The following CCL28 variants were observed in gnomAD, a reference collection of about 807,000 sequenced individuals.
CCL28 encodes the protein C-C motif chemokine 28.
In CCL28, 4 loss-of-function variants were observed where a neutral mutation model predicts 7.1. That is an observed-to-expected ratio of 0.56 (90% CI 0.28 to 1.29). The LOEUF (loss-of-function observed/expected upper bound fraction) is 1.29. Ranked by LOEUF, CCL28 falls within the 50% of genes most tolerant of loss-of-function variation. The pLI, the probability that CCL28 is intolerant of heterozygous loss-of-function variation, is 0.11. For missense variants in CCL28, 151 were observed against 163.4 expected, an observed-to-expected ratio of 0.92 and a Z score of 0.41; for synonymous variants, 55 against 57.8, an observed-to-expected ratio of 0.95 and a Z score of 0.22.
intron 1 of CCL28, among the ~76,000 whole-genome samples, chr5:43,396,247 G>A (rs1208104984): frequency 6.6e-6 from 1 of 152,158 alleles, no homozygotes; most frequent in East Asian, 1.9e-4. Flanking sequence ...TGGCGCTGAT[G>A]GGAGTGTAGT....
intron 2 of CCL28, among the ~76,000 whole-genome samples, chr5:43,385,502 T>A (rs930436700): frequency 9.9e-5 from 15 of 152,212 alleles, no homozygotes; most frequent in African/African-American, 3.6e-4. Flanking sequence ...AAAGTCTTTA[T>A]ACCCAGTCAG....
downstream of CCL28, among the ~76,000 whole-genome samples, chr5:43,377,818 C>T (rs1739946463): frequency 7.3e-6 from 1 of 137,532 alleles, no homozygotes; most frequent in African/African-American, 2.8e-5. Flanking sequence ...CTGCAAGCTC[C>T]GCCTCCCGGG....
At chr5:43,385,790 A>T (rs1433804819) in intron 2 of CCL28, among the ~76,000 whole-genome samples, 1 of 152,232 alleles carries the variant, frequency 6.6e-6, no homozygotes, top group Non-Finnish European at 1.5e-5. Context: ...TTGGCTTCCT[A>T]GTTCCTCTTT....
intron 2 of CCL28, among the ~76,000 whole-genome samples, chr5:43,383,502 TG>T (rs766682091): frequency 5.3e-5 from 8 of 152,160 alleles, no homozygotes; most frequent in Non-Finnish European, 1.0e-4. Flanking sequence ...AGCCAGCATA[TG>T]GGGAATATTA....
At chr5:43,391,371 C>T (rs1561159822) in intron 1 of CCL28, among the ~76,000 whole-genome samples, 1 of 152,126 alleles carries the variant, frequency 6.6e-6, no homozygotes, top group Non-Finnish European at 1.5e-5. Context: ...ATTTTGAGGC[C>T]AGACAGCTTT....
chr5:43,377,716 ACTTTTTTT>A (rs1245315919), downstream of CCL28, among the ~76,000 whole-genome samples: 723 of 45,648 alleles, frequency 0.016, 8 homozygotes, highest in Middle Eastern at 0.1. Context: ...TAGAACTTAA[ACTTTTTTT>A]TTTTTTTTTT....
intron 1 of CCL28, among the ~76,000 whole-genome samples, chr5:43,407,568 A>G (rs533560185): frequency 1.3e-5 from 2 of 152,382 alleles, no homozygotes; most frequent in African/African-American, 4.8e-5. Flanking sequence ...AATACCATAC[A>G]TGCCATAGGC....
downstream of CCL28, among the ~76,000 whole-genome samples, chr5:43,376,181 C>T (rs1251877036): frequency 6.6e-6 from 1 of 152,132 alleles, no homozygotes; most frequent in African/African-American, 2.4e-5. Flanking sequence ...TATGTCTATA[C>T]CAGGGCAGAA....
At chr5:43,407,513 A>G (rs1741334984) in intron 1 of CCL28, among the ~76,000 whole-genome samples, 1 of 152,244 alleles carries the variant, frequency 6.6e-6, no homozygotes, top group Non-Finnish European at 1.5e-5. Context: ...TAAAGACTTA[A>G]GTGTTAGACC....
intron 1 of CCL28, among the ~76,000 whole-genome samples, chr5:43,402,026 C>A (rs1741059868): frequency 6.6e-6 from 1 of 152,166 alleles, no homozygotes; most frequent in South Asian, 2.1e-4. Flanking sequence ...AGGTTTGTAG[C>A]CCAGCATGTC....
downstream of CCL28, among the ~76,000 whole-genome samples, chr5:43,372,958 G>T (rs944434278): frequency 6.6e-6 from 1 of 150,432 alleles, no homozygotes; most frequent in Non-Finnish European, 1.5e-5. Flanking sequence ...TCACCACCAC[G>T]CCCGGCTAAT....
At chr5:43,382,719 A>G (rs1740170700) in intron 2 of CCL28, among the ~76,000 whole-genome samples, 1 of 146,900 alleles carries the variant, frequency 6.8e-6, no homozygotes, top group African/African-American at 2.7e-5. Flanking sequence ...TTAAATTAAC[A>G]AAACAAAACT....
intron 1 of CCL28, among the ~76,000 whole-genome samples, chr5:43,402,890 C>T (rs1390146322): frequency 6.6e-6 from 1 of 152,244 alleles, no homozygotes; most frequent in Non-Finnish European, 1.5e-5. Flanking sequence ...GAGGGTCCCA[C>T]ACCCACAGAG....
chr5:43,399,148 T>C (rs564758263), intron 1 of CCL28, among the ~76,000 whole-genome samples: 3 of 152,292 alleles, frequency 2.0e-5, no homozygotes, highest in African/African-American at 7.2e-5. Context: ...ATCTACTGTT[T>C]TCCTTTTCTC....
At chr5:43,412,135 A>G (rs1316260428) in intron 1 of CCL28, 118 bp downstream of exon 1, 2 of 665,942 alleles carry the variant, frequency 3.0e-6, no homozygotes, top group Non-Finnish European at 4.7e-6. Flanking sequence ...TCAGAAATCA[A>G]TTGGAAATTC....
chr5:43,366,377 T>C, the CCL28 span, among the ~76,000 whole-genome samples: 2 of 152,378 alleles, frequency 1.3e-5, no homozygotes, highest in African/African-American at 4.8e-5. Context: ...TTGATGTTGA[T>C]GCTATTCCTT....
chr5:43,401,075 T>G (rs972836467), intron 1 of CCL28, among the ~76,000 whole-genome samples: 2 of 136,922 alleles, frequency 1.5e-5, no homozygotes, highest in African/African-American at 2.8e-5. Flanking sequence ...AGAGCAAGAC[T>G]CCGTCTCAAA....
At chr5:43,409,993 T>G (rs1741469258) in intron 1 of CCL28, among the ~76,000 whole-genome samples, 1 of 152,206 alleles carries the variant, frequency 6.6e-6, no homozygotes. Flanking sequence ...GCAAAACACT[T>G]AGGGAATGCC....
In CCL28 at chr5:43,405,051, A is replaced by G. The variant is rs113730474; in HGVS notation, c.64+7202T>C. Among the ~76,000 whole-genome samples, 961 of 152,244 alleles carry G rather than the reference A, an allele frequency of 6.3e-3. 7 individuals are homozygous for G. The highest frequency in any genetic ancestry group is 0.011 in the South Asian group (55 of 4,822). On this transcript the variant is annotated intron_variant, in intron 1 of 2. Transcript: ENST00000361115. The stretch of plus-strand genomic sequence containing the variant: ...ACAAAGAGACTTAGACTCCCACACA[A>G]TAATGGGAGACTTTAACACCCCACT...
Sources: allele counts gnomAD v4.1 joint callset (sites outside exome capture counted in the v4.1 genomes callset), GRCh38; gene constraint gnomAD v4.1.1; transcripts MANE v1.5; gene names NCBI Gene and HGNC (gene_info 2026-07-23, HGNC 2026-07-21).